The following CACNB2 variants were observed in gnomAD, a reference collection of about 807,000 sequenced individuals.
CACNB2 encodes the protein voltage-dependent L-type calcium channel subunit beta-2.
Under a neutral mutation model 73.3 loss-of-function variants are expected in CACNB2, and 42 were observed. The ratio of observed to expected loss-of-function variants is 0.57; its 90% CI spans 0.45 to 0.74. The LOEUF (loss-of-function observed/expected upper bound fraction) is 0.74, where lower values mean the gene tolerates loss of function less well. Ranked by LOEUF, CACNB2 falls within the 30% of genes least tolerant of loss-of-function variation. The pLI is 0.00. For synonymous variants in CACNB2, 348 were observed against 310.3 expected (o/e 1.12, Z -1.28); for missense variants, 940 against 853.0 (o/e 1.10, Z -1.27).
chr10:18,358,034 G>C (rs552387839), intron 2 of CACNB2, among the ~76,000 whole-genome samples: 4 of 152,252 alleles, frequency 2.6e-5, no homozygotes, highest in Non-Finnish European at 5.9e-5. Flanking sequence ...AGGAATAAAC[G>C]AATGAGTGAA....
chr10:18,155,952 A>G (rs1176996250), intron 2 of CACNB2, among the ~76,000 whole-genome samples: 1 of 151,534 alleles, frequency 6.6e-6, no homozygotes, highest in Non-Finnish European at 1.5e-5. Context: ...CATATATATC[A>G]CATTATATAC....
At chr10:18,324,548 G>A (rs1019727052) in intron 2 of CACNB2, among the ~76,000 whole-genome samples, 1 of 152,248 alleles carries the variant, frequency 6.6e-6, no homozygotes, top group African/African-American at 2.4e-5. Context: ...AACAGTTAAT[G>A]TTTATTCAAA....
chr10:18,384,651 G>A (rs1437193017), intron 2 of CACNB2, among the ~76,000 whole-genome samples: 4 of 151,914 alleles, frequency 2.6e-5, no homozygotes, highest in Non-Finnish European at 5.9e-5. Flanking sequence ...GATCACTTGA[G>A]CCTGGAAGGT....
At chr10:18,505,856 C>T (rs1042851870) in intron 5 of CACNB2, among the ~76,000 whole-genome samples, 2 of 152,152 alleles carry the variant, frequency 1.3e-5, no homozygotes, top group Non-Finnish European at 2.9e-5. Context: ...AAATTAACCA[C>T]GTTTCATTCT....
In CACNB2 at chr10:18,532,676, CAAAAAAA is replaced by C. The variant is rs1219587375; in HGVS notation, c.1055-1386_1055-1380del. Reference sequence around the variant, plus strand: ...TGGGAGACAGAGAGAGACTCTGTCTCAAAAAAAAAAAAAAAAAAAACAAAACAAAAAA... The same window carrying C: ...TGGGAGACAGAGAGAGACTCTGTCTCAAAAAAAAAAAAACAAAACAAAAAA... On this transcript the variant is annotated intron_variant, in intron 10 of 13. Transcript: ENST00000324631. 7.6e-4 allele frequency among the ~76,000 whole-genome samples: 70 copies of C among 92,542 alleles called. 2 individuals carry two copies. The highest frequency in any genetic ancestry group is 2.6e-3 in the East Asian group (11 of 4,290). The allele number at this position is 92,542 out of a possible 152,430, so 60.7% of individuals were successfully genotyped here.
At chr10:18,202,372 T>C (rs947341981) in intron 2 of CACNB2, among the ~76,000 whole-genome samples, 2 of 152,228 alleles carry the variant, frequency 1.3e-5, no homozygotes, top group Non-Finnish European at 2.9e-5. Context: ...TGAGTACATA[T>C]ACTGATCTTC....
intron 2 of CACNB2, chr10:18,261,965 A>G (rs1421954075): frequency 1.9e-6 from 1 of 519,004 alleles, no homozygotes; most frequent in Non-Finnish European, 3.8e-6. Flanking sequence ...TAATTGCAAT[A>G]TGCTGTGCCT....
At chr10:18,152,753 C>A (rs2031707213) in intron 2 of CACNB2, among the ~76,000 whole-genome samples, 1 of 132,262 alleles carries the variant, frequency 7.6e-6, no homozygotes. Context: ...AACACTAGCT[C>A]CTTAGTGTGC....
At chr10:18,416,583 A>AT (rs910366538) in intron 3 of CACNB2, among the ~76,000 whole-genome samples, 2 of 151,912 alleles carry the variant, frequency 1.3e-5, no homozygotes, top group African/African-American at 2.4e-5. Context: ...TGGCCAGCTA[A>AT]TTTTTTTTAG....
At chr10:18,166,808 TG>T (rs2032888446) in intron 2 of CACNB2, among the ~76,000 whole-genome samples, 1 of 152,172 alleles carries the variant, frequency 6.6e-6, no homozygotes, top group Non-Finnish European at 1.5e-5. Flanking sequence ...GACGAGTTAA[TG>T]GGTGCAGCAC....
chr10:18,198,676 T>G (rs1348772709), intron 2 of CACNB2, among the ~76,000 whole-genome samples: 1 of 152,200 alleles, frequency 6.6e-6, no homozygotes, highest in East Asian at 1.9e-4. Flanking sequence ...AGCTGGGTTT[T>G]GGCCAAATTG....
chr10:18,349,380 A>G (rs1220144328), intron 2 of CACNB2, among the ~76,000 whole-genome samples: 3 of 152,184 alleles, frequency 2.0e-5, no homozygotes, highest in Admixed American at 2.0e-4. Context: ...AAGTTAATAG[A>G]CCACAGCGAG....
chr10:18,307,984 T>A (rs111904749), intron 2 of CACNB2, among the ~76,000 whole-genome samples: 1,236 of 53,882 alleles, frequency 0.023, 35 homozygotes, highest in South Asian at 0.044. Context: ...ATATGCCAAC[T>A]TTTTTTTTTT....
chr10:18,154,790 A>C (rs1405154317), intron 2 of CACNB2, among the ~76,000 whole-genome samples: 1 of 152,124 alleles, frequency 6.6e-6, no homozygotes, highest in Non-Finnish European at 1.5e-5. Flanking sequence ...AGAAGACAAA[A>C]AGAGAATGAG....
chr10:18,291,752 TC>T (rs1357928291), intron 2 of CACNB2, among the ~76,000 whole-genome samples: 1 of 152,218 alleles, frequency 6.6e-6, no homozygotes, highest in Non-Finnish European at 1.5e-5. Flanking sequence ...CAAAAATGTC[TC>T]CTGGGTAAGT....
intron 2 of CACNB2, among the ~76,000 whole-genome samples, chr10:18,295,584 A>G (rs2039245012): frequency 1.3e-5 from 2 of 152,170 alleles, no homozygotes; most frequent in Admixed American, 1.3e-4. Flanking sequence ...GGTTGTTCTT[A>G]ATGTTTTTTA....
chr10:18,322,206 C>T (rs1273828592), intron 2 of CACNB2, among the ~76,000 whole-genome samples: 1 of 152,036 alleles, frequency 6.6e-6, no homozygotes. Flanking sequence ...AAACAGAAAT[C>T]TTAGAAATCA....
At chr10:18,156,808 C>T (rs2032074262) in intron 2 of CACNB2, among the ~76,000 whole-genome samples, 2 of 151,242 alleles carry the variant, frequency 1.3e-5, no homozygotes, top group Admixed American at 1.3e-4. Flanking sequence ...GCAGGAGGGT[C>T]ACCTGAGGTC....
At chr10:18,179,934 A>G (rs1032112914) in intron 2 of CACNB2, among the ~76,000 whole-genome samples, 5 of 152,126 alleles carry the variant, frequency 3.3e-5, no homozygotes, top group Admixed American at 2.6e-4. Context: ...TCTCCTTGGT[A>G]TAGATGAGGC....
Sources: gnomAD v4.1 joint callset for allele counts (sites outside exome capture counted in the v4.1 genomes callset) on GRCh38, gnomAD v4.1.1 for gene constraint, MANE v1.5 for transcripts, NCBI Gene and HGNC (gene_info 2026-07-23, HGNC 2026-07-21) for gene names.